The following CACNB2 variants were observed in gnomAD, a reference collection of about 807,000 sequenced individuals.
CACNB2 encodes voltage-dependent L-type calcium channel subunit beta-2.
A neutral mutation model predicts 73.3 loss-of-function variants in CACNB2; 42 were observed. The ratio of observed to expected loss-of-function variants is 0.57; its 90% CI spans 0.45 to 0.74. The LOEUF is 0.74. CACNB2 is among the 30% of genes least tolerant of loss of function. The pLI, the probability that CACNB2 is intolerant of heterozygous loss-of-function variation, is 0.00. For synonymous variants in CACNB2, 348 were observed against 310.3 expected, an observed-to-expected ratio of 1.12 and a Z score of -1.28; for missense variants, 940 against 853.0, an observed-to-expected ratio of 1.10 and a Z score of -1.27.
chr10:18,534,152 A>T lies in CACNB2; in HGVS notation c.1131A>T (p.Thr377=). The change falls in exon 11 of 14, where the codon ACA becomes ACT. Residue 377 remains threonine (T), a synonymous_variant. Transcript: ENST00000324631. Reference sequence around the variant, plus strand: ...AGTTGGTGGTCCTTGACGCGGATACAATTAATCATCCAGCTCAACTCAGTA... The same window carrying T: ...AGTTGGTGGTCCTTGACGCGGATACTATTAATCATCCAGCTCAACTCAGTA... ...TLQLVVLDAD[T]INHPAQLSKT... 3.1e-6 allele frequency: 5 copies of T among 1,613,888 alleles called. No homozygotes were observed. The highest frequency in any genetic ancestry group is 4.2e-6 in the Non-Finnish European group (5 of 1,179,772).
intron 2 of CACNB2, among the ~76,000 whole-genome samples, chr10:18,213,104 T>C (rs943762416): frequency 1.3e-5 from 2 of 152,158 alleles, no homozygotes; most frequent in Admixed American, 6.5e-5. Context: ...TCAAAACTCA[T>C]TTCTGGTTCG....
intron 2 of CACNB2, among the ~76,000 whole-genome samples, chr10:18,300,708 G>T (rs910028368): frequency 2.0e-5 from 3 of 152,158 alleles, no homozygotes; most frequent in African/African-American, 4.8e-5. Context: ...AATTAGCCGT[G>T]CATGGTGGTG....
intron 2 of CACNB2, among the ~76,000 whole-genome samples, chr10:18,299,100 T>G (rs374984799): frequency 1.3e-5 from 1 of 79,778 alleles, no homozygotes; most frequent in Non-Finnish European, 2.8e-5. Flanking sequence ...AAAGAAAAAA[T>G]AAAAAGAAAA....
At chr10:18,411,655 C>G (rs902356851) in intron 3 of CACNB2, among the ~76,000 whole-genome samples, 1 of 152,010 alleles carries the variant, frequency 6.6e-6, no homozygotes, top group Non-Finnish European at 1.5e-5. Context: ...ATTGCAGGCA[C>G]CTGCCACCAT....
At chr10:18,366,916 C>T (rs1258568581) in intron 2 of CACNB2, among the ~76,000 whole-genome samples, 1 of 152,170 alleles carries the variant, frequency 6.6e-6, no homozygotes, top group African/African-American at 2.4e-5. Flanking sequence ...ATTTTAAGAG[C>T]ATTGCCAAGC....
At chr10:18,429,923 G>T (rs1375512943) in intron 3 of CACNB2, among the ~76,000 whole-genome samples, 1 of 151,982 alleles carries the variant, frequency 6.6e-6, no homozygotes, top group African/African-American at 2.4e-5. Flanking sequence ...AGGCTGCAAT[G>T]AGCTGTGATC....
rs1386461188 is a variant in CACNB2, at chr10:18,525,431, A to G, written c.945-2157A>G. Among the ~76,000 whole-genome samples the G allele has an allele frequency of 6.6e-5, 10 of 152,228 alleles. 1 individual carries two copies. In the East Asian group the frequency reaches 1.9e-3, roughly 29 times the overall value. ...ATGCTTATGGAATTCTGATTGAAAT[A>G]GTTTTCCCTCCAAATTTTGAAGGCT... On this transcript the variant is annotated intron_variant, in intron 9 of 13. Transcript: ENST00000324631.
chr10:18,250,896 C>T (rs775672373), intron 2 of CACNB2, among the ~76,000 whole-genome samples: 1 of 152,254 alleles, frequency 6.6e-6, no homozygotes, highest in East Asian at 1.9e-4. Flanking sequence ...GTCTCTGGAA[C>T]TTCTCATTGG....
At chr10:18,294,960 G>A (rs565049317) in intron 2 of CACNB2, among the ~76,000 whole-genome samples, 7 of 152,368 alleles carry the variant, frequency 4.6e-5, no homozygotes, top group South Asian at 4.1e-4. Context: ...GGTGACAGGA[G>A]AGAGGGGGCA....
At chr10:18,369,547 T>C (rs1402361385) in intron 2 of CACNB2, among the ~76,000 whole-genome samples, 1 of 152,184 alleles carries the variant, frequency 6.6e-6, no homozygotes, top group East Asian at 1.9e-4. Context: ...AGGACTACTT[T>C]ATTTAAGAAG....
chr10:18,496,778 C>A (rs1328023674), intron 3 of CACNB2, among the ~76,000 whole-genome samples: 1 of 131,986 alleles, frequency 7.6e-6, no homozygotes, highest in Non-Finnish European at 1.5e-5. Context: ...CATGCCATTG[C>A]TCTCCAGCTT....
intron 2 of CACNB2, among the ~76,000 whole-genome samples, chr10:18,186,182 G>A (rs1178863278): frequency 6.6e-6 from 1 of 152,108 alleles, no homozygotes; most frequent in South Asian, 2.1e-4. Context: ...CACTTCGGGA[G>A]GTGAAGGTGG....
chr10:18,158,036 A>C (rs1056653004), intron 2 of CACNB2, among the ~76,000 whole-genome samples: 1 of 152,202 alleles, frequency 6.6e-6, no homozygotes, highest in Non-Finnish European at 1.5e-5. Flanking sequence ...TGGAACTGGA[A>C]TTGGAGGAGC....
chr10:18,255,887 T>G (rs962499093), intron 2 of CACNB2, among the ~76,000 whole-genome samples: 1 of 152,212 alleles, frequency 6.6e-6, no homozygotes, highest in Non-Finnish European at 1.5e-5. Flanking sequence ...CTTCTTTAGG[T>G]CTTTCATTTC....
chr10:18,301,831 T>G (rs922936302), intron 2 of CACNB2, among the ~76,000 whole-genome samples: 2 of 151,478 alleles, frequency 1.3e-5, no homozygotes, highest in Non-Finnish European at 2.9e-5. Context: ...GTATTTTTAG[T>G]AGAGACGGGG....
intron 2 of CACNB2, among the ~76,000 whole-genome samples, chr10:18,185,780 T>A (rs1466730734): frequency 6.6e-6 from 1 of 152,120 alleles, no homozygotes; most frequent in Middle Eastern, 3.2e-3. Flanking sequence ...TTAATAAATA[T>A]TTATTCTGTG....
chr10:18,430,148 A>G (rs960033046), intron 3 of CACNB2, among the ~76,000 whole-genome samples: 4 of 144,954 alleles, frequency 2.8e-5, no homozygotes, highest in African/African-American at 1.0e-4. Flanking sequence ...AAAAAAAGGG[A>G]CATATTACCT....
At chr10:18,447,682 G>A (rs2132580639) in intron 3 of CACNB2, among the ~76,000 whole-genome samples, 1 of 151,892 alleles carries the variant, frequency 6.6e-6, no homozygotes, top group East Asian at 1.9e-4. Flanking sequence ...CATGGTAGGT[G>A]TGGAAGCCCA....
At chr10:18,285,712 C>T (rs1428481696) in intron 2 of CACNB2, among the ~76,000 whole-genome samples, 1 of 152,218 alleles carries the variant, frequency 6.6e-6, no homozygotes, top group African/African-American at 2.4e-5. Context: ...TAAATATCAG[C>T]AAGCTTTTAA....
Sources: allele counts gnomAD v4.1 joint callset (sites outside exome capture counted in the v4.1 genomes callset), GRCh38; gene constraint gnomAD v4.1.1; transcripts MANE v1.5; gene names NCBI Gene and HGNC (gene_info 2026-07-23, HGNC 2026-07-21).